The following ARSB variants were observed in gnomAD, a reference collection of about 807,000 sequenced individuals.
ARSB encodes arylsulfatase B, also known as N-acetylgalactosamine-4-sulfatase.
In ARSB, 41 loss-of-function variants were observed where a neutral mutation model predicts 50.9. That is an observed-to-expected ratio of 0.81 (90% confidence interval 0.63 to 1.04). The LOEUF (loss-of-function observed/expected upper bound fraction) is 1.04. ARSB is among the 50% of genes least tolerant of loss of function. The pLI is 0.00. For synonymous variants in ARSB, 269 were observed against 284.8 expected, an observed-to-expected ratio of 0.94 and a Z score of 0.56; for missense variants, 672 against 693.3, an observed-to-expected ratio of 0.97 and a Z score of 0.35.
At chr5:78,980,346 A>C (rs181932871) in intron 1 of ARSB, among the ~76,000 whole-genome samples, 112 of 152,354 alleles carry the variant, frequency 7.4e-4, no homozygotes, top group Admixed American at 1.8e-3. Context: ...AGAAAATTCC[A>C]TTTCTAGGAA....
At chr5:78,835,509 G>A (rs999004186) in intron 6 of ARSB, among the ~76,000 whole-genome samples, 3 of 152,160 alleles carry the variant, frequency 2.0e-5, no homozygotes, top group Non-Finnish European at 4.4e-5. Context: ...AAAGCGGATC[G>A]ATACGGTGAT....
At chr5:78,842,871 C>T (rs148956339) in intron 5 of ARSB, among the ~76,000 whole-genome samples, 178 of 151,786 alleles carry the variant, frequency 1.2e-3, no homozygotes, top group African/African-American at 4.1e-3. Flanking sequence ...CAATAATCTC[C>T]ACTTTCTTAT....
chr5:78,823,946 C>A (rs889395539), intron 6 of ARSB, among the ~76,000 whole-genome samples: 2 of 151,586 alleles, frequency 1.3e-5, no homozygotes, highest in African/African-American at 4.9e-5. Flanking sequence ...ATGTGATCCC[C>A]AATGTTGGAG....
chr5:78,844,101 C>T (rs1357053486), intron 5 of ARSB, among the ~76,000 whole-genome samples: 2 of 152,128 alleles, frequency 1.3e-5, no homozygotes, highest in African/African-American at 4.8e-5. Context: ...TATGGTAACT[C>T]TACAACATTT....
At chr5:78,919,455 TGAGA>T (rs1749701990) in intron 4 of ARSB, among the ~76,000 whole-genome samples, 1 of 152,182 alleles carries the variant, frequency 6.6e-6, no homozygotes, top group Non-Finnish European at 1.5e-5. Flanking sequence ...GAGGAACCAC[TGAGA>T]GAGTTACTTA....
intron 5 of ARSB, among the ~76,000 whole-genome samples, chr5:78,850,145 T>G (rs1745688180): frequency 6.6e-6 from 1 of 152,208 alleles, no homozygotes; most frequent in Admixed American, 6.5e-5. Flanking sequence ...GTGCCAGTTT[T>G]CAAAGGGAAT....
At chr5:78,932,399 C>T (rs1561509488) in intron 4 of ARSB, among the ~76,000 whole-genome samples, 1 of 152,244 alleles carries the variant, frequency 6.6e-6, no homozygotes, top group Non-Finnish European at 1.5e-5. Flanking sequence ...TCCATTCTAA[C>T]ATAAGTGGTT....
chr5:78,942,997 G>A (rs1304398884), intron 4 of ARSB, among the ~76,000 whole-genome samples: 1 of 152,178 alleles, frequency 6.6e-6, no homozygotes, highest in Non-Finnish European at 1.5e-5. Flanking sequence ...AGGAGAGTTA[G>A]CTCTTCTTGT....
At position 78,951,297 on chromosome 5, in the gene ARSB, G is replaced by A. The variant is rs953155903; in HGVS notation, c.898+3998C>T. On this transcript the variant is annotated intron_variant, in intron 4 of 7. Coordinates refer to ENST00000264914, the MANE Select transcript of ARSB (RefSeq NM_000046.5). The stretch of plus-strand genomic sequence containing the variant: ...AAGAAACCATTTACTATCTCACAGG[G>A]TTACATTGAGGTTTAATGCTACTAA... 3.9e-5 allele frequency among the ~76,000 whole-genome samples: 6 copies of A among 152,070 alleles called. No individual in the cohort carries two copies. The East Asian group carries it at 9.6e-4, about 24-fold the overall frequency.
chr5:78,800,082 C>T (rs928070182), intron 6 of ARSB, among the ~76,000 whole-genome samples: 5 of 152,046 alleles, frequency 3.3e-5, no homozygotes, highest in African/African-American at 1.2e-4. Flanking sequence ...CTTTGGGAGG[C>T]CGAGGCAGGC....
At chr5:78,858,511 G>T (rs1040108303) in intron 5 of ARSB, among the ~76,000 whole-genome samples, 5 of 152,052 alleles carry the variant, frequency 3.3e-5, no homozygotes, top group South Asian at 2.1e-4. Flanking sequence ...TCCAGTTTTT[G>T]ATTTTCATTT....
At chr5:78,806,886 C>T (rs1265903801) in intron 6 of ARSB, among the ~76,000 whole-genome samples, 1 of 152,224 alleles carries the variant, frequency 6.6e-6, no homozygotes, top group African/African-American at 2.4e-5. Context: ...CCCAAGAACT[C>T]TACAGTTCCA....
At chr5:78,952,327 CTTCTTTCTTTCT>C (rs141893659) in intron 4 of ARSB, among the ~76,000 whole-genome samples, 1 of 150,606 alleles carries the variant, frequency 6.6e-6, no homozygotes, top group African/African-American at 2.4e-5. Context: ...CCCATGCACT[CTTCTTTCTTTCT>C]TTCTTTCTTT....
At chr5:78,900,992 G>C (rs967006677) in intron 4 of ARSB, among the ~76,000 whole-genome samples, 1 of 148,382 alleles carries the variant, frequency 6.7e-6, no homozygotes, top group Non-Finnish European at 1.5e-5. Flanking sequence ...CTTGCAGTGA[G>C]CCGAGATCGC....
At chr5:78,879,418 T>A (rs908263679) in intron 5 of ARSB, among the ~76,000 whole-genome samples, 9 of 152,202 alleles carry the variant, frequency 5.9e-5, no homozygotes, top group African/African-American at 2.2e-4. Context: ...CTATTGTAAA[T>A]AATGTCACCC....
chr5:78,954,796 C>T (rs777279744), intron 4 of ARSB, among the ~76,000 whole-genome samples: 11 of 152,198 alleles, frequency 7.2e-5, no homozygotes, highest in African/African-American at 1.2e-4. Flanking sequence ...TGAGCCACCG[C>T]GCCCGGCCCC....
At position 78,778,274 on chromosome 5, in the gene ARSB, C is replaced by T. The variant is rs1580959173; in HGVS notation, c.*2123G>A. ...CAGTTTGGTCAGCTGTTTGCCAACC[C>T]AGGAGTTGGGTAAAGGTTGGTAAGA... is the stretch of plus-strand genomic sequence containing the variant. On this transcript the variant is annotated 3_prime_UTR_variant, in exon 8 of 8. Coordinates refer to ENST00000264914, the MANE Select transcript of ARSB (RefSeq NM_000046.5). 6.6e-6 allele frequency: 1 copy of T among 152,204 alleles called. No individual in the cohort carries two copies. Among genetic ancestry groups the T allele is most frequent in the Non-Finnish European group, 1.5e-5 (1 of 68,050 alleles). The allele number at this position is 152,204 out of a possible 1,614,324, so 9.4% of individuals were successfully genotyped here.
intron 4 of ARSB, among the ~76,000 whole-genome samples, chr5:78,953,474 T>C (rs1751572268): frequency 6.6e-6 from 1 of 152,264 alleles, no homozygotes; most frequent in South Asian, 2.1e-4. Flanking sequence ...ATGAAACACT[T>C]AGAACTGCGT....
chr5:78,962,097 A>G (rs1240401692), intron 3 of ARSB, among the ~76,000 whole-genome samples: 4 of 152,172 alleles, frequency 2.6e-5, no homozygotes, highest in Non-Finnish European at 5.9e-5. Flanking sequence ...CTGGAGTCAG[A>G]GAGCATGAGT....
Sources: allele counts gnomAD v4.1 joint callset (sites outside exome capture counted in the v4.1 genomes callset), GRCh38; gene constraint gnomAD v4.1.1; transcripts MANE v1.5; gene names NCBI Gene and HGNC (gene_info 2026-07-23, HGNC 2026-07-21).